The following RAD54L2 variants were observed in gnomAD, a reference collection of about 807,000 sequenced individuals.
RAD54L2 encodes RAD54 like 2.
RAD54L2 carries 27 observed loss-of-function variants against 138.4 expected under a neutral mutation model. That is an observed-to-expected ratio of 0.20 (90% CI 0.14 to 0.27). The LOEUF (loss-of-function observed/expected upper bound fraction) is 0.27, where lower values mean the gene tolerates loss of function less well. Ranked by LOEUF, RAD54L2 falls within the 10% of genes least tolerant of loss-of-function variation. The pLI is 1.00. For synonymous variants in RAD54L2, 644 were observed against 723.2 expected, an observed-to-expected ratio of 0.89 and a Z score of 1.76; for missense variants, 1,396 against 1,890.2, an observed-to-expected ratio of 0.74 and a Z score of 4.85.
intron 2 of RAD54L2, among the ~76,000 whole-genome samples, chr3:51,546,205 C>A (rs1375403602): frequency 1.3e-5 from 2 of 151,670 alleles, no homozygotes; most frequent in African/African-American, 2.4e-5. Context: ...TCCCAAAGTG[C>A]TAGGATTACA....
intron 2 of RAD54L2, among the ~76,000 whole-genome samples, chr3:51,587,354 G>A (rs1435677468): frequency 1.3e-5 from 2 of 151,306 alleles, no homozygotes; most frequent in Non-Finnish European, 3.0e-5. Flanking sequence ...CGCCTGCCTC[G>A]GCCTCCCAAA....
chr3:51,592,071 T>G (rs1699851498), intron 3 of RAD54L2, among the ~76,000 whole-genome samples: 3 of 134,734 alleles, frequency 2.2e-5, no homozygotes, highest in Non-Finnish European at 4.7e-5. Flanking sequence ...TTTTTTTTTT[T>G]TTTTTTTTTT....
Position 51,663,383 on chromosome 3 carries a change from A to G in RAD54L2, c.4367A>G (p.Asp1456Gly), listed in dbSNP as rs1410738569. The G allele has an allele frequency of 5.0e-6, 8 of 1,613,768 alleles. No individual in the cohort carries two copies. In the South Asian group the frequency reaches 7.7e-5, roughly 16 times the overall value. The change falls in exon 23 of 23, where the codon GAT becomes GGT. Residue 1456 changes from aspartate (D) to glycine (G), a missense_variant. Coordinates refer to ENST00000684192, the MANE Select transcript of RAD54L2 (RefSeq NM_015106.4). ...EVGFSSNDDEDKDDDVIEVTG... is the reference protein window; with the variant it reads ...EVGFSSNDDEGKDDDVIEVTG... ...GGGTTCAGCTCCAATGATGATGAGGATAAAGACGATGATGTGATAGAGGTC... is the reference window on the plus strand; with the variant it reads ...GGGTTCAGCTCCAATGATGATGAGGGTAAAGACGATGATGTGATAGAGGTC...
chr3:51,583,838 T>C (rs1699659048), intron 2 of RAD54L2, among the ~76,000 whole-genome samples: 1 of 150,660 alleles, frequency 6.6e-6, no homozygotes, highest in South Asian at 2.1e-4. Flanking sequence ...TCTTGCACTT[T>C]GAATGGCTTT....
At chr3:51,581,598 G>C (rs1699609509) in intron 2 of RAD54L2, among the ~76,000 whole-genome samples, 1 of 152,102 alleles carries the variant, frequency 6.6e-6, no homozygotes, top group African/African-American at 2.4e-5. Flanking sequence ...AGCTTGTATC[G>C]GTCTGGGCTC....
chr3:51,619,988 A>AGAGTTTTT (rs1700531587), intron 3 of RAD54L2, among the ~76,000 whole-genome samples: 1 of 152,162 alleles, frequency 6.6e-6, no homozygotes, highest in South Asian at 2.1e-4. Flanking sequence ...AGGTGTGTTC[A>AGAGTTTTT]GGCTCCGGTG....
At chr3:51,607,931 GC>G (rs1288400356) in intron 3 of RAD54L2, among the ~76,000 whole-genome samples, 1 of 137,564 alleles carries the variant, frequency 7.3e-6, no homozygotes, top group Admixed American at 6.9e-5. Flanking sequence ...GGCGGGGGCT[GC>G]CCCCCTCCTC....
chr3:51,546,811 CT>C (rs1698709026), intron 2 of RAD54L2, among the ~76,000 whole-genome samples: 1 of 149,930 alleles, frequency 6.7e-6, no homozygotes, highest in East Asian at 2.0e-4. Context: ...GGCAGATCAC[CT>C]GAGGTCAGGA....
intron 3 of RAD54L2, among the ~76,000 whole-genome samples, chr3:51,613,765 CAAA>C (rs752227890): frequency 1.1e-4 from 6 of 56,132 alleles, no homozygotes; most frequent in Admixed American, 1.9e-4. Flanking sequence ...ACTCTGTCTC[CAAA>C]AAAAAAAAAA....
chr3:51,606,155 C>G (rs1246364589), intron 3 of RAD54L2, among the ~76,000 whole-genome samples: 1 of 152,068 alleles, frequency 6.6e-6, no homozygotes, highest in Non-Finnish European at 1.5e-5. Context: ...GGTGAGCAAT[C>G]AAAAGAACCT....
chr3:51,577,370 G>A (rs1369679421), intron 2 of RAD54L2, among the ~76,000 whole-genome samples: 3 of 152,150 alleles, frequency 2.0e-5, no homozygotes, highest in Non-Finnish European at 4.4e-5. Context: ...TCTGCTTGGT[G>A]CAGAGCTGAG....
At chr3:51,646,691 T>G (rs1025160660) in intron 19 of RAD54L2, among the ~76,000 whole-genome samples, 1 of 152,214 alleles carries the variant, frequency 6.6e-6, no homozygotes, top group African/African-American at 2.4e-5. Flanking sequence ...AAAAGTGAGC[T>G]GCTGGCCCGT....
At chr3:51,616,177 G>A (rs1420775501) in intron 3 of RAD54L2, among the ~76,000 whole-genome samples, 1 of 152,052 alleles carries the variant, frequency 6.6e-6, no homozygotes, top group Non-Finnish European at 1.5e-5. Context: ...ATACAGTAGA[G>A]TATTGTATAG....
chr3:51,596,397 A>G (rs1455854806), intron 3 of RAD54L2, among the ~76,000 whole-genome samples: 1 of 151,984 alleles, frequency 6.6e-6, no homozygotes, highest in Admixed American at 6.6e-5. Context: ...GTCCTCCTGC[A>G]GCAGAGAAAC....
intron 2 of RAD54L2, among the ~76,000 whole-genome samples, chr3:51,564,645 A>G (rs1699171807): frequency 6.6e-6 from 1 of 152,246 alleles, no homozygotes; most frequent in African/African-American, 2.4e-5. Context: ...GGCCAGGTGC[A>G]GTGGCTCACA....
chr3:51,550,036 A>G, intron 2 of RAD54L2, among the ~76,000 whole-genome samples: 1 of 152,042 alleles, frequency 6.6e-6, no homozygotes, highest in African/African-American at 2.4e-5. Context: ...CTGTCTCTGA[A>G]TTCTCTTGCC....
intron 2 of RAD54L2, among the ~76,000 whole-genome samples, chr3:51,576,287 G>A (rs1469529605): frequency 2.6e-5 from 4 of 152,296 alleles, no homozygotes; most frequent in Non-Finnish European, 4.4e-5. Context: ...ATGTTCATCA[G>A]GGATATTGGT....
In RAD54L2 at chr3:51,622,799, A is replaced by T. The variant is rs574064000; in HGVS notation, c.140-4754A>T. 5.3e-5 allele frequency among the ~76,000 whole-genome samples: 8 copies of T among 152,296 alleles called. No individual in the cohort carries two copies. The South Asian group carries it at 1.7e-3, about 32-fold the overall frequency. Reference sequence around the variant, plus strand: ...GGATCCTCACCTAAGTCTCCCTTGGATGAGGAGCTCCAGGAAGGGGACAGG... The same window carrying T: ...GGATCCTCACCTAAGTCTCCCTTGGTTGAGGAGCTCCAGGAAGGGGACAGG... On this transcript the variant is annotated intron_variant, in intron 3 of 22. Transcript: ENST00000684192.
At chr3:51,562,728 G>A (rs1488671155) in intron 2 of RAD54L2, among the ~76,000 whole-genome samples, 1 of 152,060 alleles carries the variant, frequency 6.6e-6, no homozygotes, top group Non-Finnish European at 1.5e-5. Flanking sequence ...TGCCTAGGCT[G>A]GTCTCAAAGT....
Sources: allele counts gnomAD v4.1 joint callset (sites outside exome capture counted in the v4.1 genomes callset), GRCh38; gene constraint gnomAD v4.1.1; transcripts MANE v1.5; gene names NCBI Gene and HGNC (gene_info 2026-07-23, HGNC 2026-07-21).